Variants in DLG2 observed in about 807,000 individuals in gnomAD.
DLG2 encodes discs large MAGUK scaffold protein 2.
Under a neutral mutation model 132.5 loss-of-function variants are expected in DLG2, and 45 were observed. The ratio of observed to expected loss-of-function variants is 0.34; its 90% confidence interval spans 0.27 to 0.44. The LOEUF (loss-of-function observed/expected upper bound fraction) is 0.44, where lower values mean the gene tolerates loss of function less well. Ranked by LOEUF, DLG2 falls within the 20% of genes least tolerant of loss-of-function variation. DLG2 has a pLI of 1.00. For synonymous variants in DLG2, 424 were observed against 419.6 expected (o/e 1.01, Z -0.13); for missense variants, 1,045 against 1,196.9 (o/e 0.87, Z 1.87).
rs148451639 is a variant in DLG2, at chr11:84,870,118, C to T, written c.357+241543G>A. ...AAAATATATTAAGTTCAATGTTGTA[C>T]ATGCAAAGTATGGAGTACATATATG... On this transcript the variant is annotated intron_variant, in intron 6 of 27. Transcript: ENST00000376104. 5.9e-5 allele frequency among the ~76,000 whole-genome samples: 9 copies of T among 152,284 alleles called. No homozygotes were observed. In the East Asian group the frequency reaches 1.7e-3, roughly 29 times the overall value.
At chr11:83,971,046 T>A (rs182949980) in intron 12 of DLG2, among the ~76,000 whole-genome samples, 1 of 152,362 alleles carries the variant, frequency 6.6e-6, no homozygotes, top group African/African-American at 2.4e-5. Context: ...CAGCTGGAGC[T>A]GATTGTATGC....
chr11:84,328,245 A>T (rs961644009), intron 7 of DLG2, among the ~76,000 whole-genome samples: 3 of 151,394 alleles, frequency 2.0e-5, no homozygotes, highest in African/African-American at 7.3e-5. Context: ...CAAGGGGGGA[A>T]GTGAAGAGGA....
intron 3 of DLG2, among the ~76,000 whole-genome samples, chr11:85,460,606 A>T (rs988897943): frequency 1.8e-4 from 27 of 152,184 alleles, no homozygotes; most frequent in African/African-American, 6.3e-4. Context: ...ACAGTAGTTA[A>T]TCACCACTTT....
chr11:84,210,432 G>A (rs1018708561), intron 8 of DLG2, among the ~76,000 whole-genome samples: 2 of 150,708 alleles, frequency 1.3e-5, no homozygotes, highest in East Asian at 3.9e-4. Flanking sequence ...ATATACCTAA[G>A]GCTAGATGAC....
chr11:85,613,318 C>G (rs183777289), intron 2 of DLG2, among the ~76,000 whole-genome samples: 1 of 152,304 alleles, frequency 6.6e-6, no homozygotes, highest in Non-Finnish European at 1.5e-5. Flanking sequence ...GACTGACCCA[C>G]CAGTCCTTTC....
In DLG2 at chr11:84,068,292, C is replaced by T. The variant is rs562804962; in HGVS notation, c.750-8808G>A. Among the ~76,000 whole-genome samples, 305 of 152,330 alleles carry T rather than the reference C, an allele frequency of 2.0e-3. 2 individuals carry two copies. Among genetic ancestry groups the T allele is most frequent in the African/African-American group, 6.9e-3 (286 of 41,590 alleles). On this transcript the variant is annotated intron_variant, in intron 10 of 27. Coordinates refer to ENST00000376104, the MANE Select transcript of DLG2 (RefSeq NM_001142699.3). ...TTGAGAAGATACTTCAAATGTCCTT[C>T]TAATTAATTCTCCCTTTTGAGTAAG...
intron 3 of DLG2, among the ~76,000 whole-genome samples, chr11:85,410,393 C>T (rs1315263956): frequency 1.3e-5 from 2 of 151,578 alleles, no homozygotes; most frequent in East Asian, 1.9e-4. Context: ...AATAGTAGCC[C>T]ATAAGCCACT....
intron 8 of DLG2, among the ~76,000 whole-genome samples, chr11:84,200,569 T>C (rs1199655346): frequency 6.6e-6 from 1 of 152,234 alleles, no homozygotes; most frequent in Non-Finnish European, 1.5e-5. Flanking sequence ...TGATTCTTCC[T>C]ATCCATGAGC....
chr11:85,005,396 A>G (rs2058564000), intron 6 of DLG2, among the ~76,000 whole-genome samples: 4 of 152,058 alleles, frequency 2.6e-5, no homozygotes, highest in Non-Finnish European at 5.9e-5. Context: ...GTCCTCTCTT[A>G]TTTCCTTGAG....
chr11:84,070,149 CTG>C (rs1044150483), intron 10 of DLG2, among the ~76,000 whole-genome samples: 17 of 152,348 alleles, frequency 1.1e-4, no homozygotes, highest in African/African-American at 4.1e-4. Flanking sequence ...AAAATTAAAA[CTG>C]TGGTTAATCT....
chr11:83,948,659 T>G lies in DLG2; in HGVS notation c.1340+14226A>C, dbSNP rs1432384024. 5.3e-5 allele frequency among the ~76,000 whole-genome samples: 8 copies of G among 151,764 alleles called. No individual in the cohort carries two copies. The East Asian group carries it at 1.5e-3, about 29-fold the overall frequency. ...ACTTGAGTTGGTCTGATTCTTGACCTTGTTATATACCAACTGCATGTTAAT... is the reference window on the plus strand; with the variant it reads ...ACTTGAGTTGGTCTGATTCTTGACCGTGTTATATACCAACTGCATGTTAAT... On this transcript the variant is annotated intron_variant, in intron 14 of 27. Transcript: ENST00000376104.
intron 5 of DLG2, among the ~76,000 whole-genome samples, chr11:85,144,482 T>G (rs2076712361): frequency 6.6e-6 from 1 of 151,772 alleles, no homozygotes; most frequent in South Asian, 2.1e-4. Context: ...CTGGTTACTT[T>G]GTGGTCTTCT....
intron 6 of DLG2, among the ~76,000 whole-genome samples, chr11:84,612,523 A>G (rs2099597200): frequency 6.6e-6 from 1 of 152,178 alleles, no homozygotes; most frequent in Non-Finnish European, 1.5e-5. Context: ...GCTTATGGTT[A>G]ACACTAAGTA....
chr11:84,246,512 T>C (rs1399616), intron 8 of DLG2, among the ~76,000 whole-genome samples: 7,459 of 152,266 alleles, frequency 0.049, 280 homozygotes, highest in Non-Finnish European at 0.076. Context: ...CTAAAGTGTT[T>C]CCTTTAAGGG....
intron 6 of DLG2, among the ~76,000 whole-genome samples, chr11:85,072,687 T>C (rs2066021695): frequency 6.6e-6 from 1 of 151,880 alleles, no homozygotes; most frequent in South Asian, 2.1e-4. Context: ...ACAGCACTAA[T>C]GGAAGAGAAA....
intron 3 of DLG2, among the ~76,000 whole-genome samples, chr11:85,429,106 T>C (rs1347119521): frequency 1.3e-5 from 2 of 152,070 alleles, no homozygotes; most frequent in East Asian, 3.9e-4. Context: ...AATAGACCAA[T>C]AACAGGCTCT....
chr11:83,752,643 A>G (rs2093377491), intron 18 of DLG2, among the ~76,000 whole-genome samples: 1 of 152,234 alleles, frequency 6.6e-6, no homozygotes, highest in Non-Finnish European at 1.5e-5. Flanking sequence ...ACACTTTTCC[A>G]ATGAGCTTTG....
chr11:85,098,093 G>A (rs535403296), intron 6 of DLG2, among the ~76,000 whole-genome samples: 5 of 152,340 alleles, frequency 3.3e-5, no homozygotes, highest in African/African-American at 9.6e-5. Flanking sequence ...ACTGAAGAGA[G>A]TATGTGCTGG....
At chr11:84,676,962 T>C (rs1264069205) in intron 6 of DLG2, among the ~76,000 whole-genome samples, 2 of 151,922 alleles carry the variant, frequency 1.3e-5, no homozygotes, top group Non-Finnish European at 2.9e-5. Flanking sequence ...GCGTGGGGCA[T>C]CATTGGTGAC....
Sources: gnomAD v4.1 joint callset for allele counts (sites outside exome capture counted in the v4.1 genomes callset) on GRCh38, gnomAD v4.1.1 for gene constraint, MANE v1.5 for transcripts, NCBI Gene and HGNC (gene_info 2026-07-23, HGNC 2026-07-21) for gene names.